The following SLC25A19 variants were observed in gnomAD, a reference collection of about 807,000 sequenced individuals.
SLC25A19 encodes the protein solute carrier family 25 member 19.
Under a neutral mutation model 27.9 loss-of-function variants are expected in SLC25A19, and 18 were observed. The ratio of observed to expected loss-of-function variants is 0.64; its 90% CI spans 0.45 to 0.96. The LOEUF is 0.96. Ranked by LOEUF, SLC25A19 falls within the 40% of genes least tolerant of loss-of-function variation. The pLI, the probability that SLC25A19 is intolerant of heterozygous loss-of-function variation, is 0.00. For synonymous variants in SLC25A19, 169 were observed against 167.1 expected, an observed-to-expected ratio of 1.01 and a Z score of -0.09; for missense variants, 371 against 418.3, an observed-to-expected ratio of 0.89 and a Z score of 0.99.
At chr17:75,284,225 G>C (rs944720715) in intron 4 of SLC25A19, among the ~76,000 whole-genome samples, 8 of 146,968 alleles carry the variant, frequency 5.4e-5, no homozygotes, top group Non-Finnish European at 1.2e-4. Context: ...CAATATGGTG[G>C]AACCCTGTCT....
Position 75,273,185 on chromosome 17 carries a change from G to A in SLC25A19, c.*266C>T, listed in dbSNP as rs2077770988. On this transcript the variant is annotated 3_prime_UTR_variant, in exon 8 of 8. Transcript: ENST00000416858. ...GGCGTCTGTTTCCTTTGGAGTGTGG[G>A]CTGGTCAGAGGAGAAACAGCAACTT... 5 of 493,478 alleles carry A rather than the reference G, an allele frequency of 1.0e-5. No individual in the cohort carries two copies. The highest frequency in any genetic ancestry group is 6.1e-5 in the South Asian group (3 of 48,820). The allele number at this position is 493,478 out of a possible 1,614,324, so 30.6% of individuals were successfully genotyped here. A position where few individuals can be genotyped will look rare whatever the true frequency, so the allele number is the denominator to read the frequency against.
intron 6 of SLC25A19, 83 bp from the exon 7 acceptor site, chr17:75,277,566 C>A: frequency 6.5e-7 from 1 of 1,538,660 alleles, no homozygotes; most frequent in Non-Finnish European, 8.9e-7. Context: ...CAGGGCTAAT[C>A]CTCCACCACA....
At chr17:75,288,047 G>A (rs1194263999) in intron 2 of SLC25A19, 1 of 152,160 alleles carries the variant, frequency 6.6e-6, no homozygotes, top group Non-Finnish European at 1.5e-5. Flanking sequence ...GGGAGGCTGA[G>A]GAGGGAGAAT....
rs756446925 is a variant in SLC25A19, at chr17:75,278,318, G to A, written c.477C>T (p.Arg159=). 6.2e-7 allele frequency: 1 copy of A among 1,614,092 alleles called. No homozygotes were observed. The highest frequency in any genetic ancestry group is 1.7e-5 in the Admixed American group (1 of 60,006). The stretch of plus-strand genomic sequence containing the variant: ...TCCTATACATGGTCCCCACGGCGTG[G>A]CGCAGCGTATTATAGACCTGGACAC... ...QGEPKVYNTL[R]HAVGTMYRSE... The change falls in exon 6 of 8, where the codon CGC becomes CGT. Residue 159 remains arginine (R), a synonymous_variant. Coordinates refer to ENST00000416858, the MANE Select transcript of SLC25A19 (RefSeq NM_001126121.2).
rs67040059 is a variant in SLC25A19, at chr17:75,274,973, C to CTTTT, written c.775-1338_775-1335dup. Among the ~76,000 whole-genome samples the CTTTT allele has an allele frequency of 4.1e-3, 194 of 47,206 alleles. 17 individuals carry two copies. The highest frequency in any genetic ancestry group is 0.013 in the East Asian group (15 of 1,168). 31.0% of individuals were successfully genotyped at this position (47,206 alleles called of 152,430 possible). ...TAGTGAAATTACAAGGGATTTTGGT[C>CTTTT]TTTTTTTTTTTTTTTTTTTTTTTTT... is the stretch of plus-strand genomic sequence containing the variant. On this transcript the variant is annotated intron_variant, in intron 7 of 7. Transcript: ENST00000416858.
At chr17:75,278,809 C>A (rs1394592484) in intron 5 of SLC25A19, among the ~76,000 whole-genome samples, 1 of 151,718 alleles carries the variant, frequency 6.6e-6, no homozygotes, top group Non-Finnish European at 1.5e-5. Flanking sequence ...ATGGCGAAAG[C>A]CCATCTCTAC....
At chr17:75,274,773 T>A (rs542061978) in intron 7 of SLC25A19, among the ~76,000 whole-genome samples, 1 of 151,854 alleles carries the variant, frequency 6.6e-6, no homozygotes, top group African/African-American at 2.4e-5. Context: ...GATATCCCAT[T>A]TAAAAAAAGA....
At chr17:75,274,797 A>C (rs2077825861) in intron 7 of SLC25A19, among the ~76,000 whole-genome samples, 1 of 152,024 alleles carries the variant, frequency 6.6e-6, no homozygotes. Flanking sequence ...AAAGAAAAGA[A>C]AACAAACTCT....
chr17:75,278,727 A>T (rs1052961505), intron 5 of SLC25A19, among the ~76,000 whole-genome samples: 1 of 152,130 alleles, frequency 6.6e-6, no homozygotes, highest in African/African-American at 2.4e-5. Context: ...CACGCCTGTA[A>T]TCCCAGCACT....
chr17:75,286,083 G>A (rs1046402776), intron 4 of SLC25A19, among the ~76,000 whole-genome samples: 5 of 152,234 alleles, frequency 3.3e-5, no homozygotes, highest in Non-Finnish European at 7.3e-5. Flanking sequence ...CGGTCTCCAA[G>A]ATGCAACACC....
In SLC25A19 at chr17:75,283,514, A is replaced by G; in HGVS notation, c.368T>C (p.Val123Ala). The change falls in exon 5 of 8, where the codon GTA (valine) becomes GCA (alanine). Residue 123 changes from valine to alanine, a missense_variant. Transcript: ENST00000416858. ...YDAREFSVHFVCGGLAACMAT... is the reference protein window; with the variant it reads ...YDAREFSVHFACGGLAACMAT... ...CATACAGGCAGCCAGGCCACCACAT[A>G]CAAAGTGCACTGAGAATTCCCGGGC... 1 of 1,613,756 alleles carries G rather than the reference A, an allele frequency of 6.2e-7. No individual in the cohort carries two copies. The highest frequency in any genetic ancestry group is 8.5e-7 in the Non-Finnish European group (1 of 1,179,904).
intron 5 of SLC25A19, among the ~76,000 whole-genome samples, chr17:75,280,640 C>T (rs1198007162): frequency 1.3e-5 from 2 of 151,014 alleles, no homozygotes; most frequent in Non-Finnish European, 2.9e-5. Flanking sequence ...TGGCAAAACC[C>T]CGTCTCTACT....
At chr17:75,288,439 C>A (rs1424666617) in intron 2 of SLC25A19, 63 bp downstream of exon 2, 3 of 152,132 alleles carry the variant, frequency 2.0e-5, no homozygotes, top group Admixed American at 6.6e-5. Flanking sequence ...AAAAGCATCC[C>A]TTCCAGGAGA....
chr17:75,277,595 C>T, intron 6 of SLC25A19, 112 bp from the exon 7 acceptor site: 2 of 1,274,732 alleles, frequency 1.6e-6, no homozygotes, highest in Non-Finnish European at 2.3e-6. Flanking sequence ...CCCACAAGCG[C>T]ACTTCTATCT....
intron 7 of SLC25A19, 131 bp downstream of exon 7, chr17:75,277,222 G>T (rs192824470): frequency 8.3e-7 from 1 of 1,198,672 alleles, no homozygotes. Context: ...GGGATCTCAA[G>T]GAATGGACGC....
intron 5 of SLC25A19, among the ~76,000 whole-genome samples, chr17:75,279,308 T>C (rs910693400): frequency 2.0e-5 from 3 of 152,138 alleles, no homozygotes; most frequent in African/African-American, 7.2e-5. Flanking sequence ...CCTTGATACA[T>C]CTTATATGTT....
intron 3 of SLC25A19, 83 bp from the exon 4 acceptor site, chr17:75,286,542 T>C: frequency 1.2e-6 from 2 of 1,613,834 alleles, no homozygotes; most frequent in South Asian, 2.2e-5. Flanking sequence ...AAGCCCTTCA[T>C]CTGGATAGAA....
At chr17:75,279,380 G>A (rs556833354) in intron 5 of SLC25A19, among the ~76,000 whole-genome samples, 2 of 152,190 alleles carry the variant, frequency 1.3e-5, no homozygotes, top group South Asian at 2.1e-4. Flanking sequence ...CTTAAGGCAG[G>A]TGGAGAGTCT....
intron 5 of SLC25A19, 126 bp from the exon 6 acceptor site, chr17:75,278,461 G>A (rs2077954034): frequency 2.9e-6 from 3 of 1,030,886 alleles, no homozygotes; most frequent in Admixed American, 3.9e-5. Context: ...CTGCCAGGAA[G>A]ACAGTCAAGG....
Sources: gnomAD v4.1 joint callset for allele counts (sites outside exome capture counted in the v4.1 genomes callset) on GRCh38, gnomAD v4.1.1 for gene constraint, MANE v1.5 for transcripts, NCBI Gene and HGNC (gene_info 2026-07-23, HGNC 2026-07-21) for gene names.